The following KANK1 variants were observed in gnomAD, a reference collection of about 807,000 sequenced individuals.
KANK1 encodes KN motif and ankyrin repeat domain-containing protein 1.
In KANK1, 109 loss-of-function variants were observed where a neutral mutation model predicts 106.2. The ratio of observed to expected loss-of-function variants is 1.03; its 90% CI spans 0.88 to 1.20. The LOEUF (loss-of-function observed/expected upper bound fraction) is 1.20, where lower values mean the gene tolerates loss of function less well. KANK1 is among the 50% of genes most tolerant of loss of function. KANK1 has a pLI of 0.00. For synonymous variants in KANK1, 873 were observed against 652.2 expected (o/e 1.34, Z -5.16); for missense variants, 2,399 against 1,710.7 (o/e 1.40, Z -7.10).
In KANK1 at chr9:518,655, G is replaced by A. The variant is rs565713515; in HGVS notation, c.-84+13901G>A. ...TGGGAGGAAGATGAAGGAAGACCTAGGATGTAGTATTTCCTGACTATAAAA... is the reference window on the plus strand; with the variant it reads ...TGGGAGGAAGATGAAGGAAGACCTAAGATGTAGTATTTCCTGACTATAAAA... On this transcript the variant is annotated intron_variant, in intron 1 of 11. Coordinates refer to ENST00000382297, the MANE Select transcript of KANK1 (RefSeq NM_015158.5). 1.4e-4 allele frequency among the ~76,000 whole-genome samples: 21 copies of A among 151,646 alleles called. 1 individual carries two copies. In the South Asian group the frequency reaches 4.3e-3, roughly 31 times the overall value.
intron 1 of KANK1, among the ~76,000 whole-genome samples, chr9:528,779 T>C (rs2059925035): frequency 6.6e-6 from 1 of 151,948 alleles, no homozygotes; most frequent in African/African-American, 2.4e-5. Flanking sequence ...TGAGCCACCA[T>C]GCCATTTTCA....
At chr9:519,120 C>T (rs943348070) in intron 1 of KANK1, among the ~76,000 whole-genome samples, 10 of 151,650 alleles carry the variant, frequency 6.6e-5, no homozygotes, top group African/African-American at 2.4e-4. Flanking sequence ...AAACTCCCAA[C>T]CTCAGGTGAT....
At chr9:735,820 C>A (rs1214560455) in intron 7 of KANK1, 1 of 365,198 alleles carries the variant, frequency 2.7e-6, no homozygotes, top group Admixed American at 2.8e-5. Flanking sequence ...ATGGTGAAAC[C>A]CTTTCTCTAC....
chr9:745,112 G>A, intron 11 of KANK1, 61 bp from the exon 12 acceptor site: 1 of 1,592,916 alleles, frequency 6.3e-7, no homozygotes, highest in Non-Finnish European at 8.5e-7. Flanking sequence ...TATGTCACAG[G>A]GTACACATCT....
chr9:577,984 C>G (rs1470738546), intron 1 of KANK1, among the ~76,000 whole-genome samples: 1 of 152,112 alleles, frequency 6.6e-6, no homozygotes, highest in Non-Finnish European at 1.5e-5. Flanking sequence ...ACATCATTCC[C>G]TCACTCAGAG....
intron 1 of KANK1, among the ~76,000 whole-genome samples, chr9:545,613 C>T (rs2060879439): frequency 6.6e-6 from 1 of 151,644 alleles, no homozygotes; most frequent in Non-Finnish European, 1.5e-5. Context: ...TTAGCTCCTG[C>T]AGAGCCAAGA....
chr9:617,162 A>G (rs1437340833), intron 1 of KANK1, among the ~76,000 whole-genome samples: 1 of 152,130 alleles, frequency 6.6e-6, no homozygotes, highest in Non-Finnish European at 1.5e-5. Context: ...AAAATATAAT[A>G]AAGAGTTTAT....
intron 8 of KANK1, among the ~76,000 whole-genome samples, chr9:738,919 A>C (rs1834561658): frequency 1.3e-5 from 2 of 152,068 alleles, no homozygotes; most frequent in Admixed American, 1.3e-4. Flanking sequence ...ATTTGACCTT[A>C]CTCCATGACT....
chr9:719,214 A>T (rs7027741), intron 3 of KANK1, among the ~76,000 whole-genome samples: 1 of 152,070 alleles, frequency 6.6e-6, no homozygotes, highest in African/African-American at 2.4e-5. Context: ...TGATCCACCC[A>T]CCTCGGCCTC....
chr9:620,442 G>A (rs1454110983), intron 1 of KANK1, among the ~76,000 whole-genome samples: 3 of 151,744 alleles, frequency 2.0e-5, no homozygotes, highest in African/African-American at 4.9e-5. Flanking sequence ...ACTGTCACCC[G>A]GGCTGGAGAA....
chr9:719,190 A>C (rs1477099651), intron 3 of KANK1, among the ~76,000 whole-genome samples: 2 of 151,912 alleles, frequency 1.3e-5, no homozygotes, highest in Non-Finnish European at 2.9e-5. Flanking sequence ...GCTGGTCTCG[A>C]TCTTCTAACC....
chr9:577,802 C>A (rs953300519), intron 1 of KANK1, among the ~76,000 whole-genome samples: 1 of 152,130 alleles, frequency 6.6e-6, no homozygotes, highest in African/African-American at 2.4e-5. Context: ...ATTTGAGAAC[C>A]ACTGGCTTTA....
At chr9:545,400 A>G (rs1253931777) in intron 1 of KANK1, among the ~76,000 whole-genome samples, 2 of 152,178 alleles carry the variant, frequency 1.3e-5, no homozygotes, top group Non-Finnish European at 2.9e-5. Flanking sequence ...AGCAGAATGA[A>G]TTGAGTTCTG....
chr9:489,620 A>G (rs1251830945), intron 3 of KANK1, among the ~76,000 whole-genome samples: 1 of 152,192 alleles, frequency 6.6e-6, no homozygotes, highest in African/African-American at 2.4e-5. Flanking sequence ...AGATTGCTTA[A>G]CTTCACTGGG....
chr9:489,805 A>G (rs1304421926), intron 3 of KANK1, among the ~76,000 whole-genome samples: 1 of 152,192 alleles, frequency 6.6e-6, no homozygotes, highest in Non-Finnish European at 1.5e-5. Context: ...TATTGGCAAT[A>G]CTGTTTACTC....
intron 1 of KANK1, among the ~76,000 whole-genome samples, chr9:562,067 A>G (rs1587832921): frequency 1.1e-5 from 1 of 88,748 alleles, no homozygotes. Flanking sequence ...TTTTTTTGAG[A>G]CGGAGTCTCG....
chr9:733,126 G>A (rs1439471748), intron 6 of KANK1: 8 of 152,726 alleles, frequency 5.2e-5, no homozygotes, highest in Non-Finnish European at 8.8e-5. Context: ...AATACCACAA[G>A]AATGGATTTG....
At chr9:644,338 C>G (rs970562655) in intron 1 of KANK1, among the ~76,000 whole-genome samples, 3 of 150,826 alleles carry the variant, frequency 2.0e-5, no homozygotes, top group Non-Finnish European at 4.4e-5. Flanking sequence ...TATGTGCTAC[C>G]CTTTTGAGAA....
chr9:522,065 A>G (rs1364559977), intron 1 of KANK1, among the ~76,000 whole-genome samples: 2 of 151,618 alleles, frequency 1.3e-5, no homozygotes, highest in South Asian at 4.1e-4. Context: ...TTTCTTGGGA[A>G]AATGTTTGAT....
Sources: allele counts gnomAD v4.1 joint callset (sites outside exome capture counted in the v4.1 genomes callset), GRCh38; gene constraint gnomAD v4.1.1; transcripts MANE v1.5; gene names NCBI Gene and HGNC (gene_info 2026-07-23, HGNC 2026-07-21).